The following XDH variants were observed in gnomAD, a reference collection of about 807,000 sequenced individuals.
XDH encodes xanthine dehydrogenase/oxidase.
Under a neutral mutation model 156.1 loss-of-function variants are expected in XDH, and 138 were observed. The observed-to-expected ratio is 0.88, with a 90% CI of 0.77 to 1.02. XDH has a LOEUF of 1.02. Ranked by LOEUF, XDH falls within the 50% of genes least tolerant of loss-of-function variation. The pLI, the probability that XDH is intolerant of heterozygous loss-of-function variation, is 0.00. For synonymous variants in XDH, 669 were observed against 625.7 expected (o/e 1.07, Z -1.03); for missense variants, 1,849 against 1,684.9 (o/e 1.10, Z -1.71).
At chr2:31,410,763 T>C (rs1687320558) in intron 1 of XDH, among the ~76,000 whole-genome samples, 1 of 152,180 alleles carries the variant, frequency 6.6e-6, no homozygotes, top group African/African-American at 2.4e-5. Context: ...GGCCTGTTCT[T>C]TTCAGAAACA....
chr2:31,354,653 G>C (rs1440541122), intron 24 of XDH, among the ~76,000 whole-genome samples: 6 of 152,140 alleles, frequency 3.9e-5, no homozygotes, highest in Non-Finnish European at 7.4e-5. Context: ...ATAGCTTATT[G>C]GGTGGATTCA....
At chr2:31,409,628 C>A (rs1355764775) in intron 1 of XDH, among the ~76,000 whole-genome samples, 1 of 152,070 alleles carries the variant, frequency 6.6e-6, no homozygotes, top group Non-Finnish European at 1.5e-5. Context: ...CTACAAATGG[C>A]CAGCAAATAA....
intron 4 of XDH, among the ~76,000 whole-genome samples, chr2:31,399,253 A>G (rs1364440611): frequency 1.3e-5 from 2 of 152,192 alleles, no homozygotes; most frequent in Non-Finnish European, 2.9e-5. Context: ...GAGATGTCAA[A>G]TAGGCAATTG....
intron 6 of XDH, among the ~76,000 whole-genome samples, chr2:31,391,376 T>C (rs1686758010): frequency 1.3e-5 from 2 of 152,208 alleles, no homozygotes. Flanking sequence ...ACAGTGTCCA[T>C]ACTACACTGT....
intron 4 of XDH, among the ~76,000 whole-genome samples, chr2:31,400,217 G>A (rs181729183): frequency 6.6e-6 from 1 of 151,342 alleles, no homozygotes; most frequent in Non-Finnish European, 1.5e-5. Context: ...TTAAGACCTG[G>A]GCCAAGCTCT....
At chr2:31,386,325 A>G in intron 9 of XDH, 89 bp downstream of exon 9, 1 of 1,568,060 alleles carries the variant, frequency 6.4e-7, no homozygotes, top group Non-Finnish European at 8.7e-7. Context: ...AGAGGCAAGT[A>G]AAGTCAGGGG....
At chr2:31,339,829 C>G (rs963770620) in intron 33 of XDH, 152 bp from the exon 34 acceptor site, 1 of 981,228 alleles carries the variant, frequency 1.0e-6, no homozygotes, top group African/African-American at 1.6e-5. Context: ...CCGCCTCAGC[C>G]CTGGGATAAC....
At chr2:31,375,357 G>C in intron 15 of XDH, 23 bp downstream of exon 15, 1 of 1,614,142 alleles carries the variant, frequency 6.2e-7, no homozygotes, top group South Asian at 1.1e-5. Flanking sequence ...CAGAGAGCCT[G>C]TGCCTGGCCA....
rs750811341 is a variant in XDH, at chr2:31,344,734, G to C, written c.3354C>G (p.Val1118=). The C allele has an allele frequency of 5.0e-6, 8 of 1,614,006 alleles. No homozygotes were observed. The change falls in exon 31 of 36, where the codon GTC becomes GTG. Residue 1118 remains valine, a splice_region_variant and synonymous_variant. Coordinates refer to ENST00000379416, the MANE Select transcript of XDH (RefSeq NM_000379.4). ...KNPSGSWEDW[V]TAAYMDTVSL... ...TCACTGTGTCCATGTAGGCAGCTGTGACCTGAGGAGAGGAGATGGCCATCA... is the reference window on the plus strand; with the variant it reads ...TCACTGTGTCCATGTAGGCAGCTGTCACCTGAGGAGAGGAGATGGCCATCA...
At chr2:31,375,658 A>G (rs1279273049) in intron 14 of XDH, 104 bp from the exon 15 acceptor site, 1 of 1,405,922 alleles carries the variant, frequency 7.1e-7, no homozygotes. Context: ...AGCTTGGTTC[A>G]AAATTTGGCT....
intron 1 of XDH, among the ~76,000 whole-genome samples, chr2:31,413,057 T>G (rs561556356): frequency 7.9e-4 from 120 of 152,334 alleles, no homozygotes; most frequent in African/African-American, 2.8e-3. Flanking sequence ...CTAGATTTAG[T>G]GCATAACAGC....
intron 1 of XDH, among the ~76,000 whole-genome samples, chr2:31,413,442 C>A (rs1687393971): frequency 6.6e-6 from 1 of 152,116 alleles, no homozygotes. Flanking sequence ...CATGGCTGTC[C>A]CCATTCCCCA....
chr2:31,375,677 T>C, intron 14 of XDH, 123 bp from the exon 15 acceptor site: 1 of 1,107,978 alleles, frequency 9.0e-7, no homozygotes, highest in Non-Finnish European at 1.3e-6. Flanking sequence ...CTTGGATACT[T>C]AGAGTTGGGT....
chr2:31,359,750 T>G (rs1685724752), intron 24 of XDH, among the ~76,000 whole-genome samples: 1 of 152,070 alleles, frequency 6.6e-6, no homozygotes, highest in Non-Finnish European at 1.5e-5. Flanking sequence ...TGAGTTAGAG[T>G]TGGGAATGTG....
intron 6 of XDH, among the ~76,000 whole-genome samples, chr2:31,396,201 A>C (rs1686898856): frequency 6.6e-6 from 1 of 152,208 alleles, no homozygotes; most frequent in Non-Finnish European, 1.5e-5. Flanking sequence ...TCTGCACTGC[A>C]GGGTAGCTGA....
chr2:31,397,277 G>A (rs1686935394), intron 6 of XDH, among the ~76,000 whole-genome samples: 1 of 152,308 alleles, frequency 6.6e-6, no homozygotes, highest in South Asian at 2.1e-4. Flanking sequence ...AGGAGGAGGG[G>A]TGCAAGTGCT....
In XDH at chr2:31,414,616, C is replaced by T; in HGVS notation, c.42+9G>A. Reference sequence around the variant, plus strand: ...AGGGACACAAAACCAAAGGTCAGCTCCTACTTACCTTTCTGCCATTCACAA... The same window carrying T: ...AGGGACACAAAACCAAAGGTCAGCTTCTACTTACCTTTCTGCCATTCACAA... On this transcript the variant is annotated intron_variant, in intron 1 of 35. Transcript: ENST00000379416. 8 of 1,614,100 alleles carry T rather than the reference C, an allele frequency of 5.0e-6. No homozygotes were observed. The highest frequency in any genetic ancestry group is 6.8e-6 in the Non-Finnish European group (8 of 1,179,998).
intron 24 of XDH, among the ~76,000 whole-genome samples, chr2:31,352,166 T>C (rs908182761): frequency 6.6e-6 from 1 of 152,158 alleles, no homozygotes; most frequent in African/African-American, 2.4e-5. Flanking sequence ...TTTTCTCTAT[T>C]TTTTCACATT....
intron 9 of XDH, 42 bp from the exon 10 acceptor site, chr2:31,383,889 T>A: frequency 6.3e-7 from 1 of 1,583,450 alleles, no homozygotes; most frequent in South Asian, 1.1e-5. Context: ...CCCATTGTTG[T>A]ATCACCAGGG....
Sources: allele counts gnomAD v4.1 joint callset (sites outside exome capture counted in the v4.1 genomes callset), GRCh38; gene constraint gnomAD v4.1.1; transcripts MANE v1.5; gene names NCBI Gene and HGNC (gene_info 2026-07-23, HGNC 2026-07-21).